NTRK2: variants seen among roughly 807,000 people sequenced by gnomAD.
NTRK2 encodes the protein BDNF/NT-3 growth factors receptor.
Under a neutral mutation model 94.5 loss-of-function variants are expected in NTRK2, and 13 were observed. That is an observed-to-expected ratio of 0.14 (90% CI 0.09 to 0.22). NTRK2 has a LOEUF of 0.22. Among genes scored for constraint, NTRK2 ranks in the 10% least tolerant of loss-of-function variants. The pLI, the probability that NTRK2 is intolerant of heterozygous loss-of-function variation, is 1.00. For synonymous variants in NTRK2, 372 were observed against 407.4 expected, an observed-to-expected ratio of 0.91 and a Z score of 1.05; for missense variants, 639 against 1,071.2, an observed-to-expected ratio of 0.60 and a Z score of 5.63.
Position 84,925,088 on chromosome 9 carries a change from T to A in NTRK2, c.1634-9074T>A, listed in dbSNP as rs550619399. Among the ~76,000 whole-genome samples, 3 of 151,936 alleles carry A rather than the reference T, an allele frequency of 2.0e-5. No homozygotes were observed. In the South Asian group the frequency reaches 6.3e-4, roughly 32 times the overall value. ...CCCTCAGAAGTTAGCTCACTGAAAATCTCTCTTCTCTGTTCAGAATTTTTC... is the reference window on the plus strand; with the variant it reads ...CCCTCAGAAGTTAGCTCACTGAAAAACTCTCTTCTCTGTTCAGAATTTTTC... On this transcript the variant is annotated intron_variant, in intron 14 of 18. Coordinates refer to ENST00000277120, the MANE Select transcript of NTRK2 (RefSeq NM_006180.6).
intron 12 of NTRK2, among the ~76,000 whole-genome samples, chr9:84,753,219 G>A (rs1005900258): frequency 2.0e-5 from 3 of 152,018 alleles, no homozygotes; most frequent in Non-Finnish European, 4.4e-5. Flanking sequence ...GATCCTTGAT[G>A]TTTCTTCAGG....
chr9:84,728,060 T>A (rs1476194896), intron 9 of NTRK2, 101 bp downstream of exon 9: 2 of 1,064,976 alleles, frequency 1.9e-6, no homozygotes, highest in African/African-American at 3.1e-5. Context: ...ACCTAGTGGC[T>A]TAAAACTCCA....
intron 6 of NTRK2, among the ~76,000 whole-genome samples, chr9:84,711,310 C>T (rs2131839374): frequency 6.6e-6 from 1 of 152,336 alleles, no homozygotes; most frequent in African/African-American, 2.4e-5. Context: ...CCACGTGCTT[C>T]TCCCCATGTC....
rs575630979 is a variant in NTRK2, at chr9:84,770,107, G to T, written c.1396+18022G>T. Among the ~76,000 whole-genome samples the T allele has an allele frequency of 2.0e-5, 3 of 150,806 alleles. No individual in the cohort carries two copies. The South Asian group carries it at 6.3e-4, about 32-fold the overall frequency. ...ACCTGGAACCTTGTTCAGAGGGCTG[G>T]ACTTGAGCTAGTGGAGCTCCTCCCC... is the stretch of plus-strand genomic sequence containing the variant. On this transcript the variant is annotated intron_variant, in intron 12 of 18. Coordinates refer to ENST00000277120, the MANE Select transcript of NTRK2 (RefSeq NM_006180.6).
At chr9:84,947,175 C>T (rs191486260) in intron 15 of NTRK2, among the ~76,000 whole-genome samples, 3 of 152,252 alleles carry the variant, frequency 2.0e-5, no homozygotes, top group Non-Finnish European at 2.9e-5. Context: ...AGGCTGATCT[C>T]GAACTCCTGA....
At chr9:84,867,570 C>A in intron 14 of NTRK2, 139 bp downstream of exon 14, 1 of 790,838 alleles carries the variant, frequency 1.3e-6, no homozygotes, top group Non-Finnish European at 2.2e-6. Context: ...CAGCTTTTGG[C>A]CCAGGAATAG....
At chr9:84,846,213 C>G (rs2131838353) in intron 12 of NTRK2, among the ~76,000 whole-genome samples, 1 of 152,310 alleles carries the variant, frequency 6.6e-6, no homozygotes, top group South Asian at 2.1e-4. Context: ...GTTGGGTTAA[C>G]AGTTAAACCT....
chr9:84,845,250 T>TACACACAC (rs58910921), intron 12 of NTRK2, among the ~76,000 whole-genome samples: 14,746 of 147,876 alleles, frequency 0.1, 764 homozygotes, highest in Admixed American at 0.12. Flanking sequence ...ATGTGGTGTA[T>TACACACAC]ACACACACAC....
chr9:84,723,276 G>A (rs1201166590), intron 6 of NTRK2, among the ~76,000 whole-genome samples: 2 of 152,202 alleles, frequency 1.3e-5, no homozygotes, highest in Non-Finnish European at 2.9e-5. Flanking sequence ...TGTAGAACAG[G>A]AAAAGAGGTG....
chr9:84,815,120 A>T (rs2072252884), intron 12 of NTRK2: 4 of 1,057,692 alleles, frequency 3.8e-6, no homozygotes, highest in Non-Finnish European at 3.4e-6. Flanking sequence ...CACTAAAGTC[A>T]GTCCATTTTC....
chr9:84,816,340 G>A (rs756575279), intron 12 of NTRK2, among the ~76,000 whole-genome samples: 1 of 152,002 alleles, frequency 6.6e-6, no homozygotes, highest in Non-Finnish European at 1.5e-5. Context: ...AGGTTTGTAG[G>A]ACCTCAGGCT....
intron 14 of NTRK2, chr9:84,876,601 G>A (rs201909741): frequency 5.7e-6 from 6 of 1,057,692 alleles, no homozygotes; most frequent in Non-Finnish European, 6.9e-6. Context: ...CTCTATCTTG[G>A]TTTTACTTCC....
intron 12 of NTRK2, chr9:84,812,907 A>G (rs2071967854): frequency 9.7e-7 from 1 of 1,033,632 alleles, no homozygotes. Flanking sequence ...AATGATGAAA[A>G]CAGCAGGCTA....
intron 12 of NTRK2, among the ~76,000 whole-genome samples, chr9:84,842,852 G>A (rs556972550): frequency 2.0e-5 from 3 of 152,340 alleles, no homozygotes; most frequent in East Asian, 1.9e-4. Context: ...CTTAGACTGG[G>A]GGAACCCAGT....
intron 2 of NTRK2, among the ~76,000 whole-genome samples, chr9:84,698,963 T>C (rs1438570995): frequency 6.6e-6 from 1 of 152,150 alleles, no homozygotes; most frequent in Non-Finnish European, 1.5e-5. Context: ...AGCATCTATA[T>C]TGTGGACATG....
At chr9:84,816,778 C>CAAAAAAA (rs61094948) in intron 12 of NTRK2, among the ~76,000 whole-genome samples, 4 of 82,648 alleles carry the variant, frequency 4.8e-5, no homozygotes, top group Non-Finnish European at 4.6e-5. Context: ...GACTCCATCT[C>CAAAAAAA]AAAAAAAAAA....
chr9:84,829,318 GA>G lies in NTRK2; in HGVS notation c.1397-31719del, dbSNP rs566554340. On this transcript the variant is annotated intron_variant, in intron 12 of 18. Coordinates refer to ENST00000277120, the MANE Select transcript of NTRK2 (RefSeq NM_006180.6). The stretch of plus-strand genomic sequence containing the variant: ...CTGGCCCAGAGATCAATTTTCACAT[GA>G]AATTTTCTAATTTTAAAATGTCTTC... 1.6e-3 allele frequency among the ~76,000 whole-genome samples: 237 copies of G among 152,188 alleles called. 2 individuals carry two copies. Among genetic ancestry groups the G allele is most frequent in the African/African-American group, 5.5e-3 (228 of 41,532 alleles).
chr9:84,866,918 G>A (rs181760875), intron 13 of NTRK2, among the ~76,000 whole-genome samples: 136 of 152,244 alleles, frequency 8.9e-4, no homozygotes, highest in African/African-American at 3.2e-3. Context: ...ACTACAATGT[G>A]GATGAATCTT....
chr9:84,745,705 T>C (rs904313524), intron 11 of NTRK2, among the ~76,000 whole-genome samples: 1 of 152,082 alleles, frequency 6.6e-6, no homozygotes, highest in Non-Finnish European at 1.5e-5. Flanking sequence ...CATACAGGAA[T>C]GGAAGAGAAG....
Sources: gnomAD v4.1 joint callset for allele counts (sites outside exome capture counted in the v4.1 genomes callset) on GRCh38, gnomAD v4.1.1 for gene constraint, MANE v1.5 for transcripts, NCBI Gene and HGNC (gene_info 2026-07-23, HGNC 2026-07-21) for gene names.